The following FAM53B variants were observed in gnomAD, a reference collection of about 807,000 sequenced individuals.
FAM53B encodes the protein family with sequence similarity 53 member B, also known as protein FAM53B.
In FAM53B, 12 loss-of-function variants were observed where a neutral mutation model predicts 32.7. That is an observed-to-expected ratio of 0.37 (90% CI 0.24 to 0.59). The LOEUF (loss-of-function observed/expected upper bound fraction) is 0.59. Ranked by LOEUF, FAM53B falls within the 20% of genes least tolerant of loss-of-function variation. The probability of loss-of-function intolerance (pLI) is 0.72; values close to 1 mark genes in which losing one functional copy is unlikely to be tolerated. For synonymous variants in FAM53B, 234 were observed against 228.7 expected, an observed-to-expected ratio of 1.02 and a Z score of -0.21; for missense variants, 477 against 577.7, an observed-to-expected ratio of 0.83 and a Z score of 1.79.
rs1402695138 is a variant in FAM53B, at chr10:124,682,211, T to C, written c.302A>G (p.His101Arg). Reference protein sequence around the residue: ...SLIKDLSISDHNGNPSAPPSK... With the variant: ...SLIKDLSISDRNGNPSAPPSK... ...AGGGGGTGCTGAGGGGTTCCCGTTG[T>C]GGTCGCTGATGCTGAGGTCTTTGAT... is the stretch of plus-strand genomic sequence containing the variant. The change falls in exon 4 of 5, where the codon CAC (histidine) becomes CGC (arginine). Residue 101 changes from histidine (H) to arginine (R), a missense_variant. His to Arg is a conservative substitution (Grantham distance 29). Around this residue, in one of 2 missense-constraint regions of FAM53B, gnomAD observed 312 missense variants for 420.2 expected, o/e 0.74. Transcript: ENST00000337318. This position sits in a 1 kb window ranked among gnomAD's most constrained non-coding sequence, Gnocchi z 5.2. 4.3e-6 allele frequency: 7 copies of C among 1,613,990 alleles called. No individual in the cohort carries two copies. Among genetic ancestry groups the C allele is most frequent in the African/African-American group, 1.3e-5 (1 of 75,050 alleles).
At chr10:124,710,586 G>C (rs1379294412) in intron 1 of FAM53B, among the ~76,000 whole-genome samples, 1 of 152,178 alleles carries the variant, frequency 6.6e-6, no homozygotes, top group Non-Finnish European at 1.5e-5. Flanking sequence ...CCGGGGGCAT[G>C]GCCAAGAAAA....
chr10:124,699,751 A>G (rs1334826027), intron 2 of FAM53B, among the ~76,000 whole-genome samples: 1 of 152,172 alleles, frequency 6.6e-6, no homozygotes, highest in Non-Finnish European at 1.5e-5. Context: ...CCCAGAACTC[A>G]AGCCTGGCTG....
intron 4 of FAM53B, among the ~76,000 whole-genome samples, chr10:124,645,964 T>C (rs1225848679): frequency 6.6e-6 from 1 of 152,050 alleles, no homozygotes; most frequent in East Asian, 1.9e-4. Flanking sequence ...GCGTCTCCTT[T>C]GCCACTGCCC....
intron 4 of FAM53B, chr10:124,623,870 C>T (rs944510874): frequency 8.6e-6 from 4 of 464,838 alleles, no homozygotes; most frequent in African/African-American, 2.0e-5. Context: ...TGATGCAGAC[C>T]CAGTTCTGGG....
chr10:124,670,511 C>T (rs895013579), intron 4 of FAM53B, among the ~76,000 whole-genome samples: 1 of 152,086 alleles, frequency 6.6e-6, no homozygotes, highest in Non-Finnish European at 1.5e-5. Context: ...TCCCTTGCAC[C>T]CCCGACTCAG....
rs776826192 is a variant in FAM53B at position 124,706,765 on chromosome 10, T to C, written c.-52A>G. On this transcript the variant is annotated 5_prime_UTR_variant, in exon 2 of 5. Transcript: ENST00000337318. ...ATCCCAGGGTGGGTATCAGCCATCT[T>C]CACTTGGGCAGACTTGGGGTGAGTA... The C allele has an allele frequency of 6.2e-7, 1 of 1,613,220 alleles. No individual in the cohort carries two copies. The highest frequency in any genetic ancestry group is 1.1e-5 in the South Asian group (1 of 91,070).
intron 1 of FAM53B, among the ~76,000 whole-genome samples, chr10:124,719,961 G>T (rs527540586): frequency 1.3e-5 from 2 of 152,130 alleles, no homozygotes; most frequent in African/African-American, 4.8e-5. Flanking sequence ...TAAGGAGTTC[G>T]AGACCAGCCT....
chr10:124,653,936 C>T (rs534612410), intron 4 of FAM53B, among the ~76,000 whole-genome samples: 6 of 152,294 alleles, frequency 3.9e-5, no homozygotes, highest in East Asian at 1.9e-4. Flanking sequence ...CCCAGGAGCC[C>T]GGTCCCACCT....
intron 4 of FAM53B, among the ~76,000 whole-genome samples, chr10:124,662,691 G>A: frequency 6.6e-6 from 1 of 152,160 alleles, no homozygotes; most frequent in South Asian, 2.1e-4. Context: ...TGGCATACTG[G>A]CATGCATCTG....
At chr10:124,735,736 T>G (rs1227069605) in intron 1 of FAM53B, among the ~76,000 whole-genome samples, 1 of 152,054 alleles carries the variant, frequency 6.6e-6, no homozygotes. Flanking sequence ...GGGCTCTAAG[T>G]GTCCTCAGGT....
intron 3 of FAM53B, among the ~76,000 whole-genome samples, chr10:124,684,733 G>A (rs1949792299): frequency 6.6e-6 from 1 of 152,002 alleles, no homozygotes; most frequent in Non-Finnish European, 1.5e-5. Flanking sequence ...TGGCCAGGCT[G>A]GTCTCAAACT....
intron 4 of FAM53B, among the ~76,000 whole-genome samples, chr10:124,645,598 C>T (rs947892781): frequency 1.3e-5 from 2 of 152,238 alleles, no homozygotes; most frequent in Non-Finnish European, 1.5e-5. Flanking sequence ...GGCAAGATGG[C>T]TCTGTGCTTT....
intron 4 of FAM53B, among the ~76,000 whole-genome samples, chr10:124,663,930 C>T (rs1394509313): frequency 6.6e-6 from 1 of 152,126 alleles, no homozygotes; most frequent in East Asian, 1.9e-4. Context: ...GCACGGGACA[C>T]CTGTATGCCC....
At chr10:124,632,470 G>C (rs970054478) in intron 4 of FAM53B, among the ~76,000 whole-genome samples, 1 of 152,256 alleles carries the variant, frequency 6.6e-6, no homozygotes, top group South Asian at 2.1e-4. Flanking sequence ...ACCTTGAATA[G>C]AGTCGACCAG....
chr10:124,683,663 A>C (rs1949786079), intron 3 of FAM53B, among the ~76,000 whole-genome samples: 1 of 152,174 alleles, frequency 6.6e-6, no homozygotes, highest in South Asian at 2.1e-4. Context: ...ACAGGATGTA[A>C]ACCCAGCTTA....
At position 124,623,472 on chromosome 10, in the gene FAM53B, C is replaced by T. The variant is rs545383723; in HGVS notation, c.1039G>A (p.Gly347Ser). Residue 347 changes from glycine (G) to serine (S), a missense_variant, in exon 5 of 5, where the codon GGC becomes AGC. Physicochemically the swap from Gly to Ser is moderately conservative, Grantham distance 56 (BLOSUM62 0). This residue lies in a region of FAM53B where 165 missense variants were observed against 157.5 expected (regional missense o/e 1.05). Coordinates refer to ENST00000337318, the MANE Select transcript of FAM53B (RefSeq NM_014661.4). The stretch of plus-strand genomic sequence containing the variant: ...ACCGGGGTCCCAGCGGGGGTCCTGC[C>T]CCCTGGGCCGGAGGCTGAGAGCAGG... ...TALLSASGPG[G>S]RTPAGTPVPE... 2.5e-6 allele frequency: 4 copies of T among 1,586,690 alleles called. No individual in the cohort carries two copies. The Admixed American group carries it at 5.4e-5, about 22-fold the overall frequency.
chr10:124,731,051 A>G (rs966580882), intron 1 of FAM53B, among the ~76,000 whole-genome samples: 2 of 152,220 alleles, frequency 1.3e-5, no homozygotes, highest in Admixed American at 6.5e-5. Flanking sequence ...TGCCAATCCT[A>G]AAGTTGGGAG....
rs1949291067 is a variant in FAM53B at position 124,619,592 on chromosome 10, A to AGAC, written c.*3647_*3649dup. 6.6e-6 allele frequency: 1 copy of AGAC among 152,470 alleles called. No homozygotes were observed. The highest frequency in any genetic ancestry group is 1.5e-5 in the Non-Finnish European group (1 of 68,048). The allele number at this position is 152,470 out of a possible 1,614,324, so 9.4% of individuals were successfully genotyped here. ...TGAAAACACAAATCATTTGCCAAAA[A>AGAC]GACTATGCTAGAAGGTCAGACTATC... On this transcript the variant is annotated 3_prime_UTR_variant, in exon 5 of 5. Transcript: ENST00000337318.
chr10:124,723,547 T>G (rs1243376512), intron 1 of FAM53B, among the ~76,000 whole-genome samples: 1 of 152,212 alleles, frequency 6.6e-6, no homozygotes, highest in Non-Finnish European at 1.5e-5. Flanking sequence ...AGAGTTTCTG[T>G]GGGCGGGAGG....
Sources: allele counts gnomAD v4.1 joint callset (sites outside exome capture counted in the v4.1 genomes callset), GRCh38; gene constraint gnomAD v4.1.1; regional missense constraint gnomAD v4.1.1; non-coding constraint Gnocchi (gnomAD v3.1); transcripts MANE v1.5; gene names NCBI Gene and HGNC (gene_info 2026-07-23, HGNC 2026-07-21).